SKAP1: variants seen among roughly 807,000 people sequenced by gnomAD.
SKAP1 encodes the protein src kinase associated phosphoprotein 1.
In SKAP1, 44 loss-of-function variants were observed where a neutral mutation model predicts 58.5. The observed-to-expected ratio is 0.75, with a 90% CI of 0.59 to 0.97. The LOEUF (loss-of-function observed/expected upper bound fraction) is 0.97, where lower values mean the gene tolerates loss of function less well. Among genes scored for constraint, SKAP1 ranks in the 50% least tolerant of loss-of-function variants. The pLI is 0.00. For missense variants in SKAP1, 390 were observed against 435.2 expected, an observed-to-expected ratio of 0.90 and a Z score of 0.92; for synonymous variants, 127 against 149.7, an observed-to-expected ratio of 0.85 and a Z score of 1.11.
At chr17:48,396,656 T>C in intron 2 of SKAP1, 24 bp downstream of exon 2, 1 of 1,436,182 alleles carries the variant, frequency 7.0e-7, no homozygotes, top group Non-Finnish European at 9.8e-7. Flanking sequence ...ATGAAGAAGA[T>C]TAATGGAACC....
At chr17:48,418,050 T>A (rs1396870) in intron 1 of SKAP1, among the ~76,000 whole-genome samples, 1 of 151,858 alleles carries the variant, frequency 6.6e-6, no homozygotes, top group Non-Finnish European at 1.5e-5. Context: ...ATCCCAGCAT[T>A]TGGGGAGAGA....
At chr17:48,229,235 G>A (rs4793779) in intron 4 of SKAP1, among the ~76,000 whole-genome samples, 84,910 of 151,950 alleles carry the variant, frequency 0.56, 24,704 homozygotes, top group East Asian at 0.76. Context: ...TTTTTATTAC[G>A]TAGACTTGGA....
intron 1 of SKAP1, among the ~76,000 whole-genome samples, chr17:48,403,834 C>A (rs2067533517): frequency 6.6e-6 from 1 of 152,194 alleles, no homozygotes; most frequent in African/African-American, 2.4e-5. Flanking sequence ...CGCCTGTAAT[C>A]CCAGCACTTT....
At chr17:48,290,596 C>T (rs1029061085) in intron 4 of SKAP1, among the ~76,000 whole-genome samples, 1 of 152,168 alleles carries the variant, frequency 6.6e-6, no homozygotes, top group Non-Finnish European at 1.5e-5. Context: ...TCTCTCTTCC[C>T]TATTTTATTT....
At chr17:48,364,688 AAAC>A (rs892574611) in intron 2 of SKAP1, among the ~76,000 whole-genome samples, 4 of 152,054 alleles carry the variant, frequency 2.6e-5, no homozygotes, top group African/African-American at 4.8e-5. Flanking sequence ...AAAACAAAAC[AAAC>A]AACAACAACA....
At chr17:48,216,538 C>CTGGA (rs2064941482) in intron 4 of SKAP1, among the ~76,000 whole-genome samples, 1 of 151,030 alleles carries the variant, frequency 6.6e-6, no homozygotes, top group South Asian at 2.1e-4. Flanking sequence ...GTTGCTCAGG[C>CTGGA]TGGAGTACAG....
At chr17:48,201,717 A>G (rs932258003) in intron 4 of SKAP1, among the ~76,000 whole-genome samples, 1 of 152,168 alleles carries the variant, frequency 6.6e-6, no homozygotes, top group South Asian at 2.1e-4. Context: ...TAAATTTCTG[A>G]GTCCCATGTT....
intron 4 of SKAP1, among the ~76,000 whole-genome samples, chr17:48,272,941 C>T (rs2143993588): frequency 6.6e-6 from 1 of 152,274 alleles, no homozygotes; most frequent in East Asian, 1.9e-4. Context: ...ATGACTTCTG[C>T]AGCACTAAAA....
intron 4 of SKAP1, chr17:48,231,888 T>C (rs984249828): frequency 1.3e-5 from 2 of 152,246 alleles, no homozygotes; most frequent in African/African-American, 4.8e-5. Flanking sequence ...CTCCTATTCA[T>C]TCTTCTCAAA....
intron 4 of SKAP1, among the ~76,000 whole-genome samples, chr17:48,242,169 C>T (rs150719782): frequency 4.3e-4 from 66 of 152,372 alleles, no homozygotes; most frequent in Middle Eastern, 3.4e-3. Flanking sequence ...TGCCTGGCAT[C>T]TGGCTTCCAG....
At chr17:48,298,146 C>T (rs56727666) in intron 4 of SKAP1, among the ~76,000 whole-genome samples, 14,082 of 152,214 alleles carry the variant, frequency 0.093, 998 homozygotes, top group African/African-American at 0.17. Flanking sequence ...ACACCATCTT[C>T]CCCACCTTAA....
At chr17:48,261,179 A>G (rs2065480435) in intron 4 of SKAP1, among the ~76,000 whole-genome samples, 1 of 152,190 alleles carries the variant, frequency 6.6e-6, no homozygotes, top group African/African-American at 2.4e-5. Flanking sequence ...TTCTGATGCC[A>G]TGCTCTGCAA....
intron 9 of SKAP1, among the ~76,000 whole-genome samples, chr17:48,177,564 G>A (rs1430377193): frequency 6.6e-6 from 1 of 152,104 alleles, no homozygotes; most frequent in Non-Finnish European, 1.5e-5. Context: ...TACCATTGCT[G>A]TCTCATGTGC....
At chr17:48,208,474 C>G (rs1354684904) in intron 4 of SKAP1, among the ~76,000 whole-genome samples, 1 of 152,104 alleles carries the variant, frequency 6.6e-6, no homozygotes, top group Admixed American at 6.5e-5. Context: ...ATGATGTCCC[C>G]GAGGGTTTTA....
chr17:48,359,291 G>A (rs938812598), intron 3 of SKAP1, among the ~76,000 whole-genome samples: 1 of 151,828 alleles, frequency 6.6e-6, no homozygotes, highest in African/African-American at 2.4e-5. Context: ...TTATTTGTCA[G>A]ACATTATATA....
chr17:48,386,233 T>C (rs771314461), intron 2 of SKAP1, among the ~76,000 whole-genome samples: 1 of 151,964 alleles, frequency 6.6e-6, no homozygotes. Flanking sequence ...TAAAAATACA[T>C]TTATAACAGT....
intron 1 of SKAP1, among the ~76,000 whole-genome samples, chr17:48,403,428 T>C (rs1476120930): frequency 1.3e-5 from 2 of 151,688 alleles, no homozygotes; most frequent in African/African-American, 4.9e-5. Flanking sequence ...TTAAAATATA[T>C]ATACATATAT....
At chr17:48,300,788 C>A (rs1476640355) in intron 4 of SKAP1, among the ~76,000 whole-genome samples, 10 of 152,136 alleles carry the variant, frequency 6.6e-5, no homozygotes, top group Admixed American at 5.9e-4. Context: ...CTTAAACTTC[C>A]ACTTTCCAGT....
At chr17:48,217,800 T>C (rs1273694743) in intron 4 of SKAP1, among the ~76,000 whole-genome samples, 1 of 152,094 alleles carries the variant, frequency 6.6e-6, no homozygotes, top group African/African-American at 2.4e-5. Flanking sequence ...TATCAGACCA[T>C]GATTTGAGGT....
Sources: allele counts gnomAD v4.1 joint callset (sites outside exome capture counted in the v4.1 genomes callset), GRCh38; gene constraint gnomAD v4.1.1; transcripts MANE v1.5; gene names NCBI Gene and HGNC (gene_info 2026-07-23, HGNC 2026-07-21).